Variants in SMAD4 observed in about 807,000 individuals in gnomAD.
SMAD4 encodes the protein MAD homolog 4.
In SMAD4, 7 loss-of-function variants were observed where a neutral mutation model predicts 63.2. The observed-to-expected ratio is 0.11, with a 90% confidence interval of 0.06 to 0.21. The LOEUF (loss-of-function observed/expected upper bound fraction) is 0.21, where lower values mean the gene tolerates loss of function less well. SMAD4 is among the 10% of genes least tolerant of loss of function. The pLI is 1.00. For missense variants in SMAD4, 312 were observed against 693.8 expected (o/e 0.45, Z 6.18); for synonymous variants, 215 against 235.4 (o/e 0.91, Z 0.79).
rs139565689 is a variant in SMAD4 at position 51,078,033 on chromosome 18, T to C, written c.1448-223T>C. ...TTGTGGTAATTTACTTTATAATTGG[T>C]TGTAGCTAGAAGACACATGTGAAAT... On this transcript the variant is annotated intron_variant, in intron 11 of 11. Transcript: ENST00000342988. 6.6e-4 allele frequency among the ~76,000 whole-genome samples: 100 copies of C among 152,324 alleles called. 1 individual carries two copies. The highest frequency in any genetic ancestry group is 3.4e-3 in the Middle Eastern group (1 of 294).
intron 8 of SMAD4, among the ~76,000 whole-genome samples, chr18:51,062,898 C>T (rs1910057557): frequency 8.0e-6 from 1 of 124,592 alleles, no homozygotes; most frequent in Admixed American, 1.0e-4. Context: ...CGCTCTGTCA[C>T]CCAGGCTGGA....
At chr18:51,045,545 T>C (rs947688580) in intron 1 of SMAD4, among the ~76,000 whole-genome samples, 2 of 150,306 alleles carry the variant, frequency 1.3e-5, no homozygotes, top group East Asian at 1.9e-4. Context: ...GTTTTTGTTA[T>C]TTTAATTTTT....
At chr18:51,051,640 T>C (rs1240817175) in intron 4 of SMAD4, among the ~76,000 whole-genome samples, 1 of 152,172 alleles carries the variant, frequency 6.6e-6, no homozygotes, top group Non-Finnish European at 1.5e-5. Flanking sequence ...AGTGAGCTTA[T>C]ACTCTAGTGG....
At position 51,074,348 on chromosome 18, in the gene SMAD4, TAAC is replaced by T. The variant is rs569782475; in HGVS notation, c.1309-2278_1309-2276del. Among the ~76,000 whole-genome samples, 1,175 of 152,068 alleles carry T rather than the reference TAAC, an allele frequency of 7.7e-3. 9 individuals are homozygous for T. Among genetic ancestry groups the T allele is most frequent in the Non-Finnish European group, 0.013 (896 of 67,982 alleles). On this transcript the variant is annotated intron_variant, in intron 10 of 11. Transcript: ENST00000342988. ...TGGGCAACATAGCAAGACCCCATCT[TAAC>T]AACAACAACAAAAAAGGCAAAAGAC...
At chr18:51,078,111 T>G (rs1910515074) in intron 11 of SMAD4, 145 bp from the exon 12 acceptor site, 6 of 726,412 alleles carry the variant, frequency 8.3e-6, no homozygotes, top group South Asian at 7.7e-5. Context: ...TTAGATCTAC[T>G]GTTACTTCTT....
chr18:51,062,197 TG>T (rs140881310), intron 8 of SMAD4, among the ~76,000 whole-genome samples: 2,665 of 152,360 alleles, frequency 0.017, 31 homozygotes, highest in Non-Finnish European at 0.028. Flanking sequence ...TTACATTGTG[TG>T]TTGTGATTTT....
chr18:51,082,244 C>T lies in SMAD4; in HGVS notation c.*3777C>T. The T allele has an allele frequency of 4.4e-6, 1 of 229,772 alleles. No individual in the cohort carries two copies. Among genetic ancestry groups the T allele is most frequent in the Non-Finnish European group, 8.6e-6 (1 of 115,956 alleles). 14.2% of individuals were successfully genotyped at this position (229,772 alleles called of 1,614,324 possible). A position where few individuals can be genotyped will look rare whatever the true frequency, so the allele number is the denominator to read the frequency against. The stretch of plus-strand genomic sequence containing the variant: ...TTTTTTTTTCCCGTAAAGGCAGAAT[C>T]CATCTTGTTGCAGATAGCTATCTAA... On this transcript the variant is annotated 3_prime_UTR_variant, in exon 12 of 12. Transcript: ENST00000342988.
At chr18:51,049,533 A>G (rs1909644106) in intron 4 of SMAD4, 4 of 536,500 alleles carry the variant, frequency 7.5e-6, no homozygotes, top group Non-Finnish European at 1.3e-5. Context: ...TTGTATTTGA[A>G]CTGCAATTTA....
Position 51,079,166 on chromosome 18 carries a change from C to T in SMAD4, c.*699C>T, listed in dbSNP as rs1022890354. On this transcript the variant is annotated 3_prime_UTR_variant, in exon 12 of 12. Coordinates refer to ENST00000342988, the MANE Select transcript of SMAD4 (RefSeq NM_005359.6). ...TACCAGACAAAAAAATTTAAAATTA[C>T]GTTTGTTATTCCTAGTGGATGACTG... is the stretch of plus-strand genomic sequence containing the variant. 102 of 232,698 alleles carry T rather than the reference C, an allele frequency of 4.4e-4. No individual in the cohort carries two copies. Among genetic ancestry groups the T allele is most frequent in the Non-Finnish European group, 4.3e-4 (51 of 117,854 alleles). The allele number at this position is 232,698 out of a possible 1,614,324, so 14.4% of individuals were successfully genotyped here. A position where few individuals can be genotyped will look rare whatever the true frequency, so the allele number is the denominator to read the frequency against.
In SMAD4 at chr18:51,081,873, T is replaced by C. The variant is rs1286059903; in HGVS notation, c.*3406T>C. 4.3e-6 allele frequency: 1 copy of C among 232,142 alleles called. No individual in the cohort carries two copies. The highest frequency in any genetic ancestry group is 2.2e-5 in the African/African-American group (1 of 45,304). 14.4% of individuals were successfully genotyped at this position (232,142 alleles called of 1,614,324 possible). A position where few individuals can be genotyped will look rare whatever the true frequency, so the allele number is the denominator to read the frequency against. The stretch of plus-strand genomic sequence containing the variant: ...ACTATTAATGCTCCTTAAGTGTCTA[T>C]GGAGGTTAAAGAATAAAATGGTAAA... On this transcript the variant is annotated 3_prime_UTR_variant, in exon 12 of 12. Transcript: ENST00000342988.
chr18:51,046,013 T>C (rs79157898), intron 1 of SMAD4, among the ~76,000 whole-genome samples: 1,942 of 152,350 alleles, frequency 0.013, 13 homozygotes, highest in Non-Finnish European at 0.021. Flanking sequence ...GAATTTTATC[T>C]ATGCATTCAT....
rs1910651202 is a variant in SMAD4, at chr18:51,083,203, GACACCAGCAA to G, written c.*4740_*4749del. The G allele has an allele frequency of 4.4e-6, 1 of 227,436 alleles. No homozygotes were observed. The highest frequency in any genetic ancestry group is 8.7e-6 in the Non-Finnish European group (1 of 114,544). The allele number at this position is 227,436 out of a possible 1,614,324, so 14.1% of individuals were successfully genotyped here. On this transcript the variant is annotated 3_prime_UTR_variant, in exon 12 of 12. Transcript: ENST00000342988. ...CCAGAGGCAATACCGTTGTCTGGAG[GACACCAGCAA>G]ACAACACACAACAAAGCAAAACAAA...
chr18:51,069,538 T>G (rs148318329), intron 10 of SMAD4, among the ~76,000 whole-genome samples: 140 of 152,338 alleles, frequency 9.2e-4, no homozygotes, highest in African/African-American at 3.1e-3. Flanking sequence ...CTTCCTGTCA[T>G]TGCTTCACCC....
rs550961604 is a variant in SMAD4, at chr18:51,083,985, A to C, written c.*5518A>C. On this transcript the variant is annotated 3_prime_UTR_variant, in exon 12 of 12. Transcript: ENST00000342988. ...CACCACCTTAGGGGCTGCAATAAAC[A>C]CTTAACGCGCGTGCGCACGCGCGCG... The C allele has an allele frequency of 4.4e-6, 1 of 227,174 alleles. No homozygotes were observed. The highest frequency in any genetic ancestry group is 2.3e-5 in the African/African-American group (1 of 43,758). 14.1% of individuals were successfully genotyped at this position (227,174 alleles called of 1,614,324 possible). A position where few individuals can be genotyped will look rare whatever the true frequency, so the allele number is the denominator to read the frequency against.
At chr18:51,064,026 G>A (rs1910085463) in intron 8 of SMAD4, among the ~76,000 whole-genome samples, 1 of 151,620 alleles carries the variant, frequency 6.6e-6, no homozygotes. Flanking sequence ...AAAATTTTAA[G>A]CATCAATCAT....
intron 10 of SMAD4, among the ~76,000 whole-genome samples, chr18:51,069,007 T>C (rs1910246134): frequency 6.6e-6 from 1 of 152,242 alleles, no homozygotes; most frequent in Admixed American, 6.5e-5. Flanking sequence ...TGTTTATATG[T>C]ACCCATAAGT....
At chr18:51,067,683 G>C (rs1910202383) in intron 10 of SMAD4, among the ~76,000 whole-genome samples, 1 of 152,148 alleles carries the variant, frequency 6.6e-6, no homozygotes. Flanking sequence ...AAAGTGCTGG[G>C]ATTACAGGTG....
At chr18:51,040,369 A>T (rs1304869235) in intron 1 of SMAD4, among the ~76,000 whole-genome samples, 1 of 151,782 alleles carries the variant, frequency 6.6e-6, no homozygotes, top group Non-Finnish European at 1.5e-5. Flanking sequence ...AGTGGCAGTG[A>T]GCCAAGATGG....
intron 2 of SMAD4, among the ~76,000 whole-genome samples, chr18:51,048,192 T>A (rs2144403982): frequency 6.6e-6 from 1 of 151,488 alleles, no homozygotes; most frequent in East Asian, 1.9e-4. Flanking sequence ...ATGGTCTTAC[T>A]TTTGCCCAAG....
Sources: allele counts gnomAD v4.1 joint callset (sites outside exome capture counted in the v4.1 genomes callset), GRCh38; gene constraint gnomAD v4.1.1; transcripts MANE v1.5; gene names NCBI Gene and HGNC (gene_info 2026-07-23, HGNC 2026-07-21).